MAP2: variants seen among roughly 807,000 people sequenced by gnomAD.
MAP2 encodes microtubule associated protein 2, also known as microtubule-associated protein 2.
A neutral mutation model predicts 137.6 loss-of-function variants in MAP2; 14 were observed. The observed-to-expected ratio is 0.10, with a 90% CI of 0.07 to 0.16. MAP2 has a LOEUF of 0.16. Among genes scored for constraint, MAP2 ranks in the 10% least tolerant of loss-of-function variants. MAP2 has a pLI of 1.00. For missense variants in MAP2, 2,088 were observed against 2,191.5 expected (o/e 0.95, Z 0.94); for synonymous variants, 786 against 782.3 (o/e 1.00, Z -0.08).
chr2:209,691,141 G>A (rs1260058522), intron 7 of MAP2, among the ~76,000 whole-genome samples: 3 of 150,390 alleles, frequency 2.0e-5, no homozygotes, highest in African/African-American at 7.4e-5. Flanking sequence ...TTTTTTACCC[G>A]CCCCCCCTCA....
chr2:209,632,919 C>G (rs1474083098), intron 4 of MAP2, among the ~76,000 whole-genome samples: 1 of 152,120 alleles, frequency 6.6e-6, no homozygotes, highest in African/African-American at 2.4e-5. Context: ...TAAACTGACT[C>G]TCCTCCATGC....
chr2:209,661,527 A>C, intron 5 of MAP2: 1 of 985,494 alleles, frequency 1.0e-6, no homozygotes, highest in Non-Finnish European at 1.2e-6. Flanking sequence ...AGAAAATCAC[A>C]CAGCCTCACT....
At chr2:209,574,432 T>TACACACAC (rs57166815) in intron 2 of MAP2, among the ~76,000 whole-genome samples, 4 of 148,694 alleles carry the variant, frequency 2.7e-5, no homozygotes, top group African/African-American at 9.9e-5. Context: ...ATAGTATAGA[T>TACACACAC]ACACACACAC....
At chr2:209,641,789 A>G (rs945498253) in intron 4 of MAP2, among the ~76,000 whole-genome samples, 1 of 152,132 alleles carries the variant, frequency 6.6e-6, no homozygotes, top group Admixed American at 6.6e-5. Flanking sequence ...GCTATTTATT[A>G]GTCCTCTGAT....
intron 1 of MAP2, among the ~76,000 whole-genome samples, chr2:209,443,928 CT>C: frequency 6.6e-6 from 1 of 151,704 alleles, no homozygotes; most frequent in Admixed American, 6.6e-5. Context: ...CTTGACATCA[CT>C]TTGGATTCTT....
Position 209,681,227 on chromosome 2 carries a change from T to C in MAP2, c.454+400T>C, listed in dbSNP as rs185253728. 8.2e-4 allele frequency among the ~76,000 whole-genome samples: 125 copies of C among 152,278 alleles called. 1 individual carries two copies. Among genetic ancestry groups the C allele is most frequent in the Admixed American group, 8.2e-3 (125 of 15,274 alleles). Reference sequence around the variant, plus strand: ...TCAGATTTATCAATGAAATCAACACTTCCTTATGAAAGTGTCAGGAATTAT... The same window carrying C: ...TCAGATTTATCAATGAAATCAACACCTCCTTATGAAAGTGTCAGGAATTAT... On this transcript the variant is annotated intron_variant, in intron 7 of 15. Transcript: ENST00000682079.
At chr2:209,600,208 A>G (rs2082575186) in intron 3 of MAP2, among the ~76,000 whole-genome samples, 1 of 152,222 alleles carries the variant, frequency 6.6e-6, no homozygotes, top group Admixed American at 6.5e-5. Flanking sequence ...GCCCACACAC[A>G]TCGACAGGTG....
At chr2:209,533,985 A>G (rs558512718) in intron 2 of MAP2, among the ~76,000 whole-genome samples, 2 of 152,322 alleles carry the variant, frequency 1.3e-5, no homozygotes, top group South Asian at 2.1e-4. Context: ...TGCTGGCTGA[A>G]GGAACTAGGG....
At chr2:209,725,913 A>G (rs1221496040) in intron 14 of MAP2, 123 bp downstream of exon 14, 2 of 554,814 alleles carry the variant, frequency 3.6e-6, no homozygotes, top group Non-Finnish European at 6.2e-6. Context: ...GGTACTTCAC[A>G]TTTTTATTAA....
At chr2:209,529,347 G>A (rs1466552207) in intron 2 of MAP2, among the ~76,000 whole-genome samples, 1 of 152,124 alleles carries the variant, frequency 6.6e-6, no homozygotes, top group Non-Finnish European at 1.5e-5. Flanking sequence ...TTAATGCATT[G>A]TACGTCAATT....
At position 209,693,006 on chromosome 2, in the gene MAP2, G is replaced by A. The variant is rs2059344466; in HGVS notation, c.836G>A (p.Gly279Asp). 3.1e-6 allele frequency: 5 copies of A among 1,613,158 alleles called. No homozygotes were observed. Among genetic ancestry groups the A allele is most frequent in the South Asian group, 1.1e-5 (1 of 90,874 alleles). Residue 279 changes from glycine to aspartate, a missense_variant, in exon 8 of 16, where the codon GGT becomes GAT. By Grantham distance (94) the Gly-to-Asp change is moderately conservative. This residue lies in a region of MAP2 where 859 missense variants were observed against 794.5 expected (regional missense o/e 1.08). Coordinates refer to ENST00000682079, the MANE Select transcript of MAP2 (RefSeq NM_001375505.1). ...ACGGAAGCAAAAAAGGATGAGTGGG[G>A]TTTAGTTGCCCCCATATCTCCTGGC... ...MPTEAKKDEW[G>D]LVAPISPGPL...
chr2:209,708,345 T>C (rs528245096), intron 12 of MAP2, among the ~76,000 whole-genome samples: 2 of 152,144 alleles, frequency 1.3e-5, no homozygotes, highest in South Asian at 2.1e-4. Context: ...TTTCATATTA[T>C]CAATTGAAGA....
chr2:209,502,323 A>G (rs1431089013), intron 1 of MAP2, among the ~76,000 whole-genome samples: 3 of 152,210 alleles, frequency 2.0e-5, no homozygotes, highest in South Asian at 2.1e-4. Context: ...AAGATTCCAC[A>G]TAAGTGAGAT....
Position 209,482,643 on chromosome 2 carries a change from C to G in MAP2, c.-221-24949C>G, listed in dbSNP as rs1414654523. Among the ~76,000 whole-genome samples the G allele has an allele frequency of 3.9e-5, 6 of 152,122 alleles. No homozygotes were observed. In the South Asian group the frequency reaches 1.2e-3, roughly 32 times the overall value. ...TTTAACACACATTATCTGATTATCT[C>G]AAAGAACTCTGGGAAATTATTACCC... On this transcript the variant is annotated intron_variant, in intron 1 of 15. Coordinates refer to ENST00000682079, the MANE Select transcript of MAP2 (RefSeq NM_001375505.1).
At chr2:209,445,486 AT>A (rs77849825) in intron 1 of MAP2, among the ~76,000 whole-genome samples, 43,171 of 151,394 alleles carry the variant, frequency 0.29, 7,072 homozygotes, top group South Asian at 0.4. Context: ...GTTGCAACAC[AT>A]TTAAAACATA....
chr2:209,697,212 C>T (rs546646352), intron 10 of MAP2, among the ~76,000 whole-genome samples, 161 bp downstream of exon 10: 1 of 151,618 alleles, frequency 6.6e-6, no homozygotes, highest in South Asian at 2.1e-4. Flanking sequence ...TTCTTTTTTC[C>T]CCCCTCCTTA....
At chr2:209,709,606 T>C (rs973038769) in intron 12 of MAP2, among the ~76,000 whole-genome samples, 1 of 152,174 alleles carries the variant, frequency 6.6e-6, no homozygotes, top group South Asian at 2.1e-4. Flanking sequence ...CCATTTGCCT[T>C]AATAGTCACA....
At chr2:209,468,317 C>CTTTTTTTTTTTTTTTTTTTT (rs11450792) in intron 1 of MAP2, among the ~76,000 whole-genome samples, 1 of 88,532 alleles carries the variant, frequency 1.1e-5, no homozygotes, top group Non-Finnish European at 2.0e-5. Flanking sequence ...TTTAGTGTTT[C>CTTTTTTTTTTTTTTTTTTTT]TTTTTTTTTT....
chr2:209,465,909 C>A (rs1022519853), intron 1 of MAP2, among the ~76,000 whole-genome samples: 3 of 152,112 alleles, frequency 2.0e-5, no homozygotes, highest in Non-Finnish European at 2.9e-5. Flanking sequence ...AAGATCAAGG[C>A]CCAGATCTTC....
Sources: allele counts gnomAD v4.1 joint callset (sites outside exome capture counted in the v4.1 genomes callset), GRCh38; gene constraint gnomAD v4.1.1; regional missense constraint gnomAD v4.1.1; transcripts MANE v1.5; gene names NCBI Gene and HGNC (gene_info 2026-07-23, HGNC 2026-07-21).